The following NCOA6 variants were observed in gnomAD, a reference collection of about 807,000 sequenced individuals.
The protein encoded by NCOA6 is nuclear receptor coactivator 6.
A neutral mutation model predicts 171.4 loss-of-function variants in NCOA6; 49 were observed. The ratio of observed to expected loss-of-function variants is 0.29; its 90% CI spans 0.23 to 0.36. The LOEUF (loss-of-function observed/expected upper bound fraction) is 0.36, where lower values mean the gene tolerates loss of function less well. Among genes scored for constraint, NCOA6 ranks in the 10% least tolerant of loss-of-function variants. The pLI, the probability that NCOA6 is intolerant of heterozygous loss-of-function variation, is 1.00. For synonymous variants in NCOA6, 910 were observed against 927.5 expected (o/e 0.98, Z 0.34); for missense variants, 2,248 against 2,554.5 (o/e 0.88, Z 2.59).
intron 2 of NCOA6, among the ~76,000 whole-genome samples, chr20:34,785,850 C>T (rs1012735061): frequency 7.4e-6 from 1 of 135,754 alleles, no homozygotes; most frequent in African/African-American, 2.8e-5. Context: ...GTCAGTTTAA[C>T]AATACTATGG....
intron 7 of NCOA6, 127 bp downstream of exon 7, chr20:34,757,093 C>T: frequency 8.1e-6 from 8 of 984,348 alleles, no homozygotes; most frequent in East Asian, 5.2e-5. Context: ...CAAGTGTCAC[C>T]ACCATATCCA....
At chr20:34,739,024 G>A (rs1462521491) in intron 11 of NCOA6, 1 of 437,796 alleles carries the variant, frequency 2.3e-6, no homozygotes, top group Non-Finnish European at 4.7e-6. Flanking sequence ...CTCCACTCTG[G>A]GGAAATAGAG....
intron 1 of NCOA6, among the ~76,000 whole-genome samples, chr20:34,800,471 T>C (rs2078221107): frequency 2.0e-5 from 3 of 151,950 alleles, no homozygotes; most frequent in South Asian, 2.1e-4. Context: ...GACCCAATGA[T>C]CTGTTGACTA....
intron 3 of NCOA6, among the ~76,000 whole-genome samples, 197 bp downstream of exon 3, chr20:34,781,924 T>G (rs2146197922): frequency 6.6e-6 from 1 of 152,314 alleles, no homozygotes; most frequent in East Asian, 1.9e-4. Context: ...TAAGCAACAC[T>G]TTATGTTCAG....
intron 14 of NCOA6, among the ~76,000 whole-genome samples, chr20:34,720,891 C>T (rs1171306132): frequency 6.6e-6 from 1 of 152,012 alleles, no homozygotes; most frequent in Non-Finnish European, 1.5e-5. Flanking sequence ...AATATACAGG[C>T]CAAAAATATG....
intron 14 of NCOA6, among the ~76,000 whole-genome samples, chr20:34,725,595 T>G (rs951649716): frequency 6.6e-6 from 1 of 152,342 alleles, no homozygotes; most frequent in Admixed American, 6.5e-5. Context: ...TTAATCCTAA[T>G]TACAATGGTA....
chr20:34,810,880 C>T (rs1037827744), intron 1 of NCOA6, among the ~76,000 whole-genome samples: 2 of 151,932 alleles, frequency 1.3e-5, no homozygotes, highest in Admixed American at 1.3e-4. Context: ...TATCCTTTTT[C>T]AAATGCTTTC....
chr20:34,718,814 CTT>C (rs1988929593), intron 14 of NCOA6, among the ~76,000 whole-genome samples: 1 of 151,992 alleles, frequency 6.6e-6, no homozygotes, highest in African/African-American at 2.4e-5. Context: ...CCACAAATTA[CTT>C]TAAGGTAAGA....
At chr20:34,817,349 ATATTAACTGATATAGTTAATT>A (rs914263491) in intron 1 of NCOA6, among the ~76,000 whole-genome samples, 21 of 152,116 alleles carry the variant, frequency 1.4e-4, no homozygotes, top group Non-Finnish European at 2.9e-4. Flanking sequence ...GTGCTCATTA[ATATTAACTGATATAGTTAATT>A]TATTAACTGA....
chr20:34,796,824 T>TAAAAA (rs57979275), intron 1 of NCOA6, among the ~76,000 whole-genome samples: 1 of 140,468 alleles, frequency 7.1e-6, no homozygotes, highest in Non-Finnish European at 1.6e-5. Flanking sequence ...CGTCTCAAAT[T>TAAAAA]AAAAAAAAAA....
chr20:34,789,130 G>C (rs967452659), intron 2 of NCOA6, among the ~76,000 whole-genome samples: 4 of 152,156 alleles, frequency 2.6e-5, no homozygotes, highest in African/African-American at 9.7e-5. Context: ...TCTAAGTGCT[G>C]TATGAAGCAG....
At chr20:34,738,684 G>A (rs993630507) in intron 11 of NCOA6, among the ~76,000 whole-genome samples, 1 of 152,376 alleles carries the variant, frequency 6.6e-6, no homozygotes, top group Non-Finnish European at 1.5e-5. Context: ...GCGTGAGGCA[G>A]TGTGTTGGCC....
chr20:34,796,003 A>ATTTTTTTTTTTTTTTTTT (rs569229378), intron 1 of NCOA6, among the ~76,000 whole-genome samples: 2 of 95,766 alleles, frequency 2.1e-5, no homozygotes, highest in African/African-American at 4.3e-5. Context: ...ATATGTTTGA[A>ATTTTTTTTTTTTTTTTTT]TTTTTTTTTT....
intron 8 of NCOA6, among the ~76,000 whole-genome samples, chr20:34,753,207 G>A (rs544992764): frequency 1.3e-5 from 2 of 150,508 alleles, no homozygotes; most frequent in South Asian, 2.2e-4. Context: ...CACCACACCC[G>A]GCTAGTTTTT....
chr20:34,732,527 T>G (rs757331386), intron 13 of NCOA6, 32 bp downstream of exon 13: 64 of 1,608,810 alleles, frequency 4.0e-5, no homozygotes, highest in Non-Finnish European at 5.3e-5. Context: ...TATGCTGTGT[T>G]CATGCTACGT....
intron 4 of NCOA6, among the ~76,000 whole-genome samples, chr20:34,775,912 C>T (rs1036784394): frequency 3.3e-5 from 5 of 152,068 alleles, no homozygotes; most frequent in Non-Finnish European, 7.4e-5. Context: ...AGTTTGAGTC[C>T]AGCCTGGGCA....
chr20:34,734,377 T>G (rs557437802), intron 12 of NCOA6, among the ~76,000 whole-genome samples: 62 of 152,010 alleles, frequency 4.1e-4, no homozygotes, highest in African/African-American at 1.3e-3. Flanking sequence ...TTTTATTTTT[T>G]GGGGGATGGT....
intron 3 of NCOA6, among the ~76,000 whole-genome samples, chr20:34,781,566 T>C (rs2077518027): frequency 6.6e-6 from 1 of 152,190 alleles, no homozygotes; most frequent in African/African-American, 2.4e-5. Flanking sequence ...CGGATTTTCA[T>C]GCAATATAAC....
rs1600970968 is a variant in NCOA6, at chr20:34,775,692, AG to A, written c.391+600del. 1.6e-4 allele frequency among the ~76,000 whole-genome samples: 5 copies of A among 31,576 alleles called. 1 individual carries two copies. The highest frequency in any genetic ancestry group is 1.3e-4 in the African/African-American group (1 of 7,998). 20.7% of individuals were successfully genotyped at this position (31,576 alleles called of 152,430 possible). On this transcript the variant is annotated intron_variant, in intron 4 of 14. Transcript: ENST00000359003. ...TGTCTCAAAAAAAAAAAAAAAAAAA[AG>A]AAAAAAAAAAGAAAAGAAAATGAAT...
Sources: gnomAD v4.1 joint callset for allele counts (sites outside exome capture counted in the v4.1 genomes callset) on GRCh38, gnomAD v4.1.1 for gene constraint, MANE v1.5 for transcripts, NCBI Gene and HGNC (gene_info 2026-07-23, HGNC 2026-07-21) for gene names.